Variants in NALF1 observed in about 807,000 individuals in gnomAD.
The protein encoded by NALF1 is family with sequence similarity 155 member A.
NALF1 carries 3 observed loss-of-function variants against 48.4 expected under a neutral mutation model. The observed-to-expected ratio is 0.06, with a 90% CI of 0.03 to 0.16. The LOEUF (loss-of-function observed/expected upper bound fraction) is 0.16. Ranked by LOEUF, NALF1 falls within the 10% of genes least tolerant of loss-of-function variation. The probability of loss-of-function intolerance (pLI) is 1.00; values close to 1 mark genes in which losing one functional copy is unlikely to be tolerated. For synonymous variants in NALF1, 262 were observed against 245.7 expected, an observed-to-expected ratio of 1.07 and a Z score of -0.62; for missense variants, 526 against 571.5, an observed-to-expected ratio of 0.92 and a Z score of 0.81.
chr13:107,433,018 C>G (rs1427634950), intron 1 of NALF1, among the ~76,000 whole-genome samples: 1 of 152,094 alleles, frequency 6.6e-6, no homozygotes, highest in Non-Finnish European at 1.5e-5. Flanking sequence ...CTCTCATTCA[C>G]CCCTTGACCT....
chr13:107,351,781 C>T (rs2138945746), intron 1 of NALF1, among the ~76,000 whole-genome samples: 1 of 152,278 alleles, frequency 6.6e-6, no homozygotes, highest in South Asian at 2.1e-4. Context: ...TTTAGGTTGA[C>T]ACTGTCAACT....
intron 1 of NALF1, among the ~76,000 whole-genome samples, chr13:107,245,191 C>G (rs774475437): frequency 6.6e-6 from 1 of 152,068 alleles, no homozygotes; most frequent in Non-Finnish European, 1.5e-5. Flanking sequence ...ACTAAGTGAA[C>G]ACTACTTTTT....
intron 1 of NALF1, among the ~76,000 whole-genome samples, chr13:107,449,161 T>C (rs1884700414): frequency 6.6e-6 from 1 of 152,076 alleles, no homozygotes; most frequent in Non-Finnish European, 1.5e-5. Context: ...GGAGAATCAT[T>C]TGAACCCAGG....
chr13:107,493,780 T>A (rs1450462261), intron 1 of NALF1, among the ~76,000 whole-genome samples: 1 of 152,100 alleles, frequency 6.6e-6, no homozygotes. Flanking sequence ...TTCCAGCTAC[T>A]CAGGAGGCCG....
chr13:107,169,936 CTT>C lies in NALF1; in HGVS notation c.*559_*560del, dbSNP rs1325651943. Reference sequence around the variant, plus strand: ...GTTGGTTCTGTGGGTAGAAGGGAGACTTAGGGATTTTTTTTATTTTTATTTTT... The same window carrying C: ...GTTGGTTCTGTGGGTAGAAGGGAGACAGGGATTTTTTTTATTTTTATTTTT... On this transcript the variant is annotated 3_prime_UTR_variant, in exon 3 of 3. Transcript: ENST00000375915. 4.9e-5 allele frequency: 7 copies of C among 142,276 alleles called. No individual in the cohort carries two copies. Among genetic ancestry groups the C allele is most frequent in the African/African-American group, 1.9e-4 (7 of 36,984 alleles). 8.8% of individuals were successfully genotyped at this position (142,276 alleles called of 1,614,324 possible).
chr13:107,359,151 CT>C lies in NALF1; in HGVS notation c.916-148397del, dbSNP rs537976580. On this transcript the variant is annotated intron_variant, in intron 1 of 2. Coordinates refer to ENST00000375915, the MANE Select transcript of NALF1 (RefSeq NM_001080396.3). ...TGTCACTCTTATAATTTATTCTTCT[CT>C]TTTTCCCAGATCAAATCATTCTCAT... 2.7e-3 allele frequency among the ~76,000 whole-genome samples: 413 copies of C among 152,206 alleles called. 3 individuals are homozygous for C. The highest frequency in any genetic ancestry group is 9.8e-3 in the African/African-American group (409 of 41,552).
chr13:107,195,421 G>A (rs1401993210), intron 2 of NALF1, among the ~76,000 whole-genome samples: 4 of 152,152 alleles, frequency 2.6e-5, no homozygotes, highest in Non-Finnish European at 5.9e-5. Context: ...CCTTCACCAT[G>A]GATTTCATTC....
intron 1 of NALF1, among the ~76,000 whole-genome samples, chr13:107,301,099 T>G (rs111583698): frequency 6.6e-6 from 1 of 152,190 alleles, no homozygotes; most frequent in East Asian, 1.9e-4. Flanking sequence ...TATTGTAAAT[T>G]ATGTTTTTCA....
chr13:107,611,243 G>T (rs978465867), intron 1 of NALF1, among the ~76,000 whole-genome samples: 1 of 152,164 alleles, frequency 6.6e-6, no homozygotes, highest in East Asian at 1.9e-4. Flanking sequence ...GTCCTCTGTC[G>T]GTAGGATGGT....
chr13:107,642,978 G>A (rs1566427040), intron 1 of NALF1, among the ~76,000 whole-genome samples: 1 of 152,146 alleles, frequency 6.6e-6, no homozygotes, highest in African/African-American at 2.4e-5. Flanking sequence ...GAGGGTCACA[G>A]CACATGCAGG....
At chr13:107,757,415 C>CTT (rs3074821) in intron 1 of NALF1, among the ~76,000 whole-genome samples, 15,932 of 107,620 alleles carry the variant, frequency 0.15, 1,318 homozygotes, top group Admixed American at 0.22. Flanking sequence ...GCCCTCATTT[C>CTT]TTTTTTTTTT....
At chr13:107,273,480 G>C (rs1210211319) in intron 1 of NALF1, among the ~76,000 whole-genome samples, 1 of 152,148 alleles carries the variant, frequency 6.6e-6, no homozygotes, top group Non-Finnish European at 1.5e-5. Flanking sequence ...TTCCATCTAT[G>C]TTACAGACAT....
intron 1 of NALF1, among the ~76,000 whole-genome samples, chr13:107,818,871 C>CAA (rs774372636): frequency 0.041 from 2,977 of 73,398 alleles, 175 homozygotes; most frequent in Non-Finnish European, 0.057. Context: ...GACTCCGTCT[C>CAA]AAAAAAAAAA....
chr13:107,468,137 C>T (rs1885039381), intron 1 of NALF1, among the ~76,000 whole-genome samples: 1 of 151,896 alleles, frequency 6.6e-6, no homozygotes, highest in African/African-American at 2.4e-5. Flanking sequence ...GTTTTTCTGC[C>T]ATGGAAAGGC....
intron 1 of NALF1, among the ~76,000 whole-genome samples, chr13:107,357,827 G>A (rs571766272): frequency 6.6e-6 from 1 of 152,266 alleles, no homozygotes; most frequent in South Asian, 2.1e-4. Flanking sequence ...AGAGACGTTA[G>A]TTTAATGAAT....
intron 1 of NALF1, among the ~76,000 whole-genome samples, chr13:107,340,035 T>C (rs1451879272): frequency 6.6e-6 from 1 of 152,168 alleles, no homozygotes; most frequent in East Asian, 1.9e-4. Flanking sequence ...AGATTTGCCA[T>C]GTAAAAACTG....
intron 2 of NALF1, among the ~76,000 whole-genome samples, chr13:107,180,013 G>A (rs934446663): frequency 4.1e-5 from 6 of 147,968 alleles, no homozygotes; most frequent in Non-Finnish European, 8.9e-5. Flanking sequence ...TTTCAAATAA[G>A]CTCATATTTT....
intron 1 of NALF1, among the ~76,000 whole-genome samples, chr13:107,836,418 T>A (rs1879890415): frequency 6.6e-6 from 1 of 152,186 alleles, no homozygotes; most frequent in East Asian, 1.9e-4. Context: ...TAGTAAGCCT[T>A]GAAATTAAGA....
intron 1 of NALF1, among the ~76,000 whole-genome samples, chr13:107,317,223 C>A (rs1882167626): frequency 6.6e-6 from 1 of 152,026 alleles, no homozygotes. Context: ...TGTAATATAA[C>A]TATTTTCAAG....
Sources: gnomAD v4.1 joint callset for allele counts (sites outside exome capture counted in the v4.1 genomes callset) on GRCh38, gnomAD v4.1.1 for gene constraint, MANE v1.5 for transcripts, NCBI Gene and HGNC (gene_info 2026-07-23, HGNC 2026-07-21) for gene names.